Variants in EYS observed in about 807,000 individuals in gnomAD.
The protein encoded by EYS is protein eyes shut homolog.
In EYS, 250 loss-of-function variants were observed where a neutral mutation model predicts 282.1. That is an observed-to-expected ratio of 0.89 (90% CI 0.80 to 0.98). The LOEUF is 0.98. Among genes scored for constraint, EYS ranks in the 50% least tolerant of loss-of-function variants. The probability of loss-of-function intolerance (pLI) is 0.00; values close to 1 mark genes in which losing one functional copy is unlikely to be tolerated. For synonymous variants in EYS, 1,355 were observed against 1,282.9 expected, an observed-to-expected ratio of 1.06 and a Z score of -1.20; for missense variants, 4,016 against 3,709.0, an observed-to-expected ratio of 1.08 and a Z score of -2.15.
intron 8 of EYS, among the ~76,000 whole-genome samples, chr6:65,373,859 G>T (rs141706756): frequency 1.3e-5 from 2 of 151,690 alleles, no homozygotes; most frequent in Admixed American, 6.6e-5. Flanking sequence ...AATTATTACC[G>T]GTTGAAAAAT....
chr6:64,984,175 G>A (rs183860040), intron 14 of EYS, among the ~76,000 whole-genome samples: 8 of 151,470 alleles, frequency 5.3e-5, no homozygotes, highest in South Asian at 2.1e-4. Flanking sequence ...CTGGACTTCT[G>A]AGGTCAGATA....
intron 36 of EYS, among the ~76,000 whole-genome samples, chr6:63,852,676 C>T (rs562469612): frequency 5.3e-5 from 8 of 152,006 alleles, no homozygotes; most frequent in African/African-American, 1.9e-4. Flanking sequence ...AGAGACACAA[C>T]AAAAAAAGAA....
chr6:65,167,989 C>T (rs887870241), intron 12 of EYS, among the ~76,000 whole-genome samples: 1 of 151,058 alleles, frequency 6.6e-6, no homozygotes, highest in Non-Finnish European at 1.5e-5. Flanking sequence ...TCAATCTTAC[C>T]ATTTCTTCTT....
intron 30 of EYS, among the ~76,000 whole-genome samples, chr6:64,259,650 G>GCGCACACACACACA (rs140354088): frequency 1.0e-4 from 15 of 145,712 alleles, no homozygotes; most frequent in African/African-American, 3.0e-4. Flanking sequence ...TTACACACGC[G>GCGCACACACACACA]CACACACACA....
intron 26 of EYS, among the ~76,000 whole-genome samples, chr6:64,588,125 A>G (rs1766292157): frequency 1.3e-5 from 2 of 152,074 alleles, no homozygotes; most frequent in African/African-American, 4.8e-5. Context: ...ATTCATGCTA[A>G]GAAAGATCAG....
At chr6:65,395,503 C>T (rs1766246302) in intron 7 of EYS, among the ~76,000 whole-genome samples, 1 of 152,136 alleles carries the variant, frequency 6.6e-6, no homozygotes, top group South Asian at 2.1e-4. Flanking sequence ...ACATATCTGT[C>T]ACCTTGCACA....
chr6:63,732,346 A>G (rs575256228), intron 41 of EYS, among the ~76,000 whole-genome samples: 29 of 152,258 alleles, frequency 1.9e-4, no homozygotes, highest in African/African-American at 7.0e-4. Context: ...TTGATTAAGT[A>G]TTCAGTAACA....
chr6:64,227,885 AATAAAT>A (rs1294551174), intron 31 of EYS, among the ~76,000 whole-genome samples: 1 of 152,070 alleles, frequency 6.6e-6, no homozygotes, highest in African/African-American at 2.4e-5. Context: ...ATATAAGTAT[AATAAAT>A]ATAAATAGAG....
chr6:64,122,565 T>A (rs113574691), intron 31 of EYS, among the ~76,000 whole-genome samples: 10,354 of 152,182 alleles, frequency 0.068, 1,074 homozygotes, highest in African/African-American at 0.23. Context: ...TGTCTCCATT[T>A]ACTAGTTGTG....
At chr6:63,834,465 C>T (rs769254021) in intron 36 of EYS, among the ~76,000 whole-genome samples, 2 of 152,148 alleles carry the variant, frequency 1.3e-5, no homozygotes, top group Non-Finnish European at 2.9e-5. Context: ...CTCATCATCA[C>T]TGGCCATCAG....
chr6:64,072,503 CTT>C (rs897564907), intron 32 of EYS, among the ~76,000 whole-genome samples: 1 of 148,434 alleles, frequency 6.7e-6, no homozygotes, highest in Non-Finnish European at 1.5e-5. Flanking sequence ...GTATTCTTGA[CTT>C]TTTTTCTGGA....
intron 24 of EYS, among the ~76,000 whole-genome samples, chr6:64,610,211 T>C (rs901767880): frequency 1.3e-5 from 2 of 152,042 alleles, no homozygotes; most frequent in African/African-American, 4.8e-5. Flanking sequence ...CCATTACTTT[T>C]TTGAGTCAAT....
intron 26 of EYS, among the ~76,000 whole-genome samples, chr6:64,458,996 C>T (rs567231139): frequency 3.3e-5 from 5 of 152,236 alleles, no homozygotes; most frequent in South Asian, 2.1e-4. Flanking sequence ...GTTCCTTATA[C>T]GAATTCCACA....
intron 5 of EYS, among the ~76,000 whole-genome samples, chr6:65,418,702 T>A (rs772821562): frequency 5.3e-5 from 8 of 151,832 alleles, no homozygotes; most frequent in Non-Finnish European, 1.2e-4. Context: ...AACAGAGACC[T>A]GTTGGGGGTT....
In EYS at chr6:65,299,366, T is replaced by C. The variant is rs1486291844; in HGVS notation, c.1767-3247A>G. On this transcript the variant is annotated intron_variant, in intron 11 of 42. Transcript: ENST00000503581. Reference sequence around the variant, plus strand: ...AATTAGCACAAAAGAAAATCAGATATCAACACTTCCTTTTCCTTTGCACCA... The same window carrying C: ...AATTAGCACAAAAGAAAATCAGATACCAACACTTCCTTTTCCTTTGCACCA... 3.3e-5 allele frequency among the ~76,000 whole-genome samples: 5 copies of C among 152,088 alleles called. 1 individual carries two copies. The highest frequency in any genetic ancestry group is 1.2e-4 in the African/African-American group (5 of 41,414).
chr6:65,693,409 T>C (rs1178120960), intron 1 of EYS, among the ~76,000 whole-genome samples: 4 of 146,400 alleles, frequency 2.7e-5, no homozygotes, highest in Non-Finnish European at 3.0e-5. Context: ...CCTTTCTTTT[T>C]TTTTTTTTTT....
Position 64,045,592 on chromosome 6 carries a change from C to T in EYS, c.6725+20746G>A, listed in dbSNP as rs1017380761. On this transcript the variant is annotated intron_variant, in intron 33 of 42. Coordinates refer to ENST00000503581, the MANE Select transcript of EYS (RefSeq NM_001142800.2). ...TCCTGAGTAGCTGTGATTACAGGCA[C>T]CCGCCACCAGGCTCAGCTAATTTTC... Among the ~76,000 whole-genome samples the T allele has an allele frequency of 6.6e-5, 10 of 151,324 alleles. No homozygotes were observed. In the South Asian group the frequency reaches 1.5e-3, roughly 22 times the overall value.
At position 64,968,107 on chromosome 6, in the gene EYS, C is replaced by T. The variant is rs1334739086; in HGVS notation, c.2260-22193G>A. On this transcript the variant is annotated intron_variant, in intron 14 of 42. Transcript: ENST00000503581. ...AATTTGTACCCTCTCTTCAAGATTA[C>T]AGCCATATATAACACTAGAGTCCTC... Among the ~76,000 whole-genome samples, 4 of 152,290 alleles carry T rather than the reference C, an allele frequency of 2.6e-5. No homozygotes were observed. The South Asian group carries it at 8.3e-4, about 32-fold the overall frequency.
intron 30 of EYS, among the ~76,000 whole-genome samples, chr6:64,244,256 A>C (rs1409342193): frequency 6.6e-6 from 1 of 152,202 alleles, no homozygotes; most frequent in Admixed American, 6.5e-5. Context: ...ATAATCCTAT[A>C]TAATGGATGT....
Sources: allele counts gnomAD v4.1 joint callset (sites outside exome capture counted in the v4.1 genomes callset), GRCh38; gene constraint gnomAD v4.1.1; transcripts MANE v1.5; gene names NCBI Gene and HGNC (gene_info 2026-07-23, HGNC 2026-07-21).